NKIRAS1: variants seen among roughly 807,000 people sequenced by gnomAD.
NKIRAS1 encodes NF-kappa-B inhibitor-interacting Ras-like protein 1.
NKIRAS1 carries 16 observed loss-of-function variants against 19.8 expected under a neutral mutation model. That is an observed-to-expected ratio of 0.81 (90% confidence interval 0.55 to 1.23). The LOEUF (loss-of-function observed/expected upper bound fraction) is 1.23. NKIRAS1 is among the 50% of genes most tolerant of loss of function. The pLI is 0.00. For synonymous variants in NKIRAS1, 88 were observed against 79.0 expected, an observed-to-expected ratio of 1.11 and a Z score of -0.61; for missense variants, 184 against 220.0, an observed-to-expected ratio of 0.84 and a Z score of 1.04.
upstream of NKIRAS1, chr3:23,921,630 A>G (rs1376825270): frequency 1.7e-6 from 1 of 595,204 alleles, no homozygotes; most frequent in South Asian, 1.6e-5. Context: ...GTGGGAGTGC[A>G]GTGGGGCAAT....
upstream of NKIRAS1, chr3:23,917,758 C>T (rs1037263326): frequency 2.2e-5 from 29 of 1,315,420 alleles, no homozygotes; most frequent in Middle Eastern, 5.5e-4. Flanking sequence ...CCGGCGGTTT[C>T]CTTGTTTTTG....
intron 1 of NKIRAS1, among the ~76,000 whole-genome samples, chr3:23,929,682 T>C (rs1705272349): frequency 6.6e-6 from 1 of 152,072 alleles, no homozygotes; most frequent in African/African-American, 2.4e-5. Flanking sequence ...ACTCAAGTGA[T>C]CCTCCTGCCT....
chr3:23,919,015 T>G (rs1255224211), upstream of NKIRAS1: 5 of 607,632 alleles, frequency 8.2e-6, no homozygotes, highest in East Asian at 1.4e-4. Context: ...GTGTGTTGTT[T>G]TAGCAAGTCT....
At chr3:23,915,102 G>A (rs577479271) in intron 1 of NKIRAS1, among the ~76,000 whole-genome samples, 42 of 152,230 alleles carry the variant, frequency 2.8e-4, no homozygotes, top group Middle Eastern at 6.8e-3. Flanking sequence ...TTTTGCGGGG[G>A]TGATTAAATT....
Position 23,902,503 on chromosome 3 carries a change from C to A in NKIRAS1, c.95-1454G>T, listed in dbSNP as rs139390369. On this transcript the variant is annotated intron_variant, in intron 3 of 4. Transcript: ENST00000425478. ...AAATTAAAGGTTATCTATTAAGACA[C>A]AAACGTATTGGGCTTTGATTACAAA... Among the ~76,000 whole-genome samples the A allele has an allele frequency of 9.5e-3, 1,452 of 152,270 alleles. 25 individuals are homozygous for A. Among genetic ancestry groups the A allele is most frequent in the African/African-American group, 0.032 (1,345 of 41,560 alleles).
chr3:23,909,346 AC>A (rs1328476899), intron 3 of NKIRAS1, among the ~76,000 whole-genome samples: 1 of 152,002 alleles, frequency 6.6e-6, no homozygotes, highest in Non-Finnish European at 1.5e-5. Flanking sequence ...ACGTGGTGAA[AC>A]CCCGTCTCTA....
intron 1 of NKIRAS1, among the ~76,000 whole-genome samples, chr3:23,929,191 G>A (rs148442473): frequency 6.9e-4 from 105 of 151,368 alleles, no homozygotes; most frequent in African/African-American, 2.3e-3. Context: ...GTAAAACCTC[G>A]TCTCTACTAA....
In NKIRAS1 at chr3:23,893,172, G is replaced by A. The variant is rs1559499962; in HGVS notation, c.502C>T (p.Leu168Phe). Residue 168 changes from leucine (L) to phenylalanine (F), a missense_variant, in exon 5 of 5, where the codon CTT becomes TTT. By Grantham distance (22) the Leu-to-Phe change is conservative. Coordinates refer to ENST00000425478, the MANE Select transcript of NKIRAS1 (RefSeq NM_020345.4). ...CTTGATTTGCTCTGGGGTTGAGAAA[G>A]TTTACTGGCTAATAAAGTGAATGGT... is the stretch of plus-strand genomic sequence containing the variant. ...IEPFTLLASK[L>F]SQPQSKSSFP... 1 of 1,612,740 alleles carries A rather than the reference G, an allele frequency of 6.2e-7. No individual in the cohort carries two copies. The highest frequency in any genetic ancestry group is 8.5e-7 in the Non-Finnish European group (1 of 1,179,548).
chr3:23,896,610 C>CA lies in NKIRAS1; in HGVS notation c.337-3274dup, dbSNP rs544574349. 2.3e-3 allele frequency among the ~76,000 whole-genome samples: 337 copies of CA among 146,952 alleles called. 1 individual carries two copies. Among genetic ancestry groups the CA allele is most frequent in the African/African-American group, 4.8e-3 (191 of 39,864 alleles). On this transcript the variant is annotated intron_variant, in intron 4 of 4. Transcript: ENST00000425478. ...CGTGGGCAATAGCAAGACTCCATCTCAAAAAAAACAAGGATGATACATCTA... is the reference window on the plus strand; with the variant it reads ...CGTGGGCAATAGCAAGACTCCATCTCAAAAAAAAACAAGGATGATACATCTA...
intron 1 of NKIRAS1, among the ~76,000 whole-genome samples, chr3:23,941,976 T>C (rs890743943): frequency 9.4e-5 from 8 of 84,980 alleles, no homozygotes; most frequent in Non-Finnish European, 1.7e-4. Context: ...TATTTACTTA[T>C]TTATTTATTT....
At chr3:23,909,241 G>A (rs1703395010) in intron 3 of NKIRAS1, among the ~76,000 whole-genome samples, 1 of 152,128 alleles carries the variant, frequency 6.6e-6, no homozygotes, top group Non-Finnish European at 1.5e-5. Flanking sequence ...AGAAATGTGG[G>A]CCAGGCGCAG....
At chr3:23,902,889 A>C (rs1189673332) in intron 3 of NKIRAS1, among the ~76,000 whole-genome samples, 1 of 152,246 alleles carries the variant, frequency 6.6e-6, no homozygotes, top group Non-Finnish European at 1.5e-5. Flanking sequence ...CACATACTGA[A>C]TGTTGAAGTC....
chr3:23,898,353 T>G (rs1461749251), intron 4 of NKIRAS1, among the ~76,000 whole-genome samples: 1 of 151,798 alleles, frequency 6.6e-6, no homozygotes, highest in Non-Finnish European at 1.5e-5. Context: ...GAAAAAGAAA[T>G]GAACTACTGA....
chr3:23,918,427 T>C (rs1379975020), upstream of NKIRAS1: 2 of 1,610,494 alleles, frequency 1.2e-6, no homozygotes, highest in South Asian at 2.2e-5. Context: ...ATTTCGTGTG[T>C]GTTTGTGTGT....
chr3:23,916,886 C>G lies in NKIRAS1; in HGVS notation c.-242G>C, dbSNP rs1242813960. 1 of 152,786 alleles carries G rather than the reference C, an allele frequency of 6.5e-6. No homozygotes were observed. The highest frequency in any genetic ancestry group is 1.5e-5 in the Non-Finnish European group (1 of 68,122). 9.5% of individuals were successfully genotyped at this position (152,786 alleles called of 1,614,324 possible). On this transcript the variant is annotated 5_prime_UTR_variant, in exon 1 of 5. Transcript: ENST00000425478. The stretch of plus-strand genomic sequence containing the variant: ...TTGCCTCCTCTCGCGGAGAGACAGT[C>G]GCCGACGCTCGCTTAGCCGCCGAGA...
chr3:23,917,914 A>G (rs772286584), upstream of NKIRAS1: 67 of 1,613,596 alleles, frequency 4.2e-5, no homozygotes, highest in Non-Finnish European at 5.4e-5. Context: ...GTCTGATGTC[A>G]TGCGCTTTCT....
chr3:23,915,939 C>A (rs1421122899), intron 1 of NKIRAS1: 1 of 152,192 alleles, frequency 6.6e-6, no homozygotes, highest in Non-Finnish European at 1.5e-5. Context: ...ACCACCAAAC[C>A]CAAAACACAG....
upstream of NKIRAS1, chr3:23,919,848 G>T: frequency 9.8e-7 from 1 of 1,020,162 alleles, no homozygotes; most frequent in Non-Finnish European, 1.2e-6. Context: ...CAGCTTTATC[G>T]GAGTGATGGC....
In NKIRAS1 at chr3:23,926,493, CTCTTCCTCT is replaced by C. The variant is rs768421599; in HGVS notation, c.-139-15052_-139-15044del. On this transcript the variant is annotated intron_variant, in intron 1 of 4. Coordinates refer to the NKIRAS1 transcript ENST00000421515. The surrounding 1 kb of genome is among the most constrained non-coding windows in gnomAD (Gnocchi z 4.3). Reference sequence around the variant, plus strand: ...CTTCCTCTTTCTCTCCTTCTCTTTCCTCTTCCTCTTCTTCCTCTTCTTTTTTTTTGTGTC... The same window carrying C: ...CTTCCTCTTTCTCTCCTTCTCTTTCCTCTTCCTCTTCTTTTTTTTTGTGTC... 3.7e-4 allele frequency among the ~76,000 whole-genome samples: 56 copies of C among 151,424 alleles called. No homozygotes were observed. The highest frequency in any genetic ancestry group is 6.0e-4 in the Non-Finnish European group (41 of 67,888).
Sources: allele counts gnomAD v4.1 joint callset (sites outside exome capture counted in the v4.1 genomes callset), GRCh38; gene constraint gnomAD v4.1.1; non-coding constraint Gnocchi (gnomAD v3.1); transcripts MANE v1.5; gene names NCBI Gene and HGNC (gene_info 2026-07-23, HGNC 2026-07-21).